AGO2: variants seen among roughly 807,000 people sequenced by gnomAD.
AGO2 encodes the protein protein argonaute-2.
AGO2 carries 5 observed loss-of-function variants against 102.3 expected under a neutral mutation model. That is an observed-to-expected ratio of 0.05 (90% CI 0.03 to 0.10). AGO2 has a LOEUF of 0.10. Among genes scored for constraint, AGO2 ranks in the 10% least tolerant of loss-of-function variants. The pLI is 1.00. For missense variants in AGO2, 541 were observed against 1,183.7 expected, an observed-to-expected ratio of 0.46 and a Z score of 7.97; for synonymous variants, 449 against 473.1, an observed-to-expected ratio of 0.95 and a Z score of 0.66.
the AGO2 span, among the ~76,000 whole-genome samples, chr8:140,641,206 C>T: frequency 2.0e-5 from 3 of 151,864 alleles, no homozygotes; most frequent in Non-Finnish European, 4.4e-5. Context: ...TAGGAGATCA[C>T]CTAAGCCCTC....
At chr8:140,584,960 G>A (rs1223784350) in intron 2 of AGO2, among the ~76,000 whole-genome samples, 159 bp downstream of exon 2, 2 of 152,004 alleles carry the variant, frequency 1.3e-5, no homozygotes, top group Non-Finnish European at 2.9e-5. Context: ...CAATCCGTAG[G>A]TTTGACTCTG....
intron 14 of AGO2, among the ~76,000 whole-genome samples, chr8:140,543,253 G>A (rs1279438023): frequency 6.6e-6 from 1 of 152,136 alleles, no homozygotes; most frequent in Non-Finnish European, 1.5e-5. Flanking sequence ...GCGTGGGAGT[G>A]GTGGGGTTGT....
At position 140,621,526 on chromosome 8, in the gene AGO2, T is replaced by C. The variant is rs562322199; in HGVS notation, c.22+13959A>G. Among the ~76,000 whole-genome samples the C allele has an allele frequency of 1.9e-4, 29 of 152,294 alleles. No individual in the cohort carries two copies. In the East Asian group the frequency reaches 3.9e-3, roughly 20 times the overall value. Reference sequence around the variant, plus strand: ...CACTGACTCAAAGAACAAGCTTCTTTGACATATGAGGCATCCAGGATGGAG... The same window carrying C: ...CACTGACTCAAAGAACAAGCTTCTTCGACATATGAGGCATCCAGGATGGAG... On this transcript the variant is annotated intron_variant, in intron 1 of 18. Transcript: ENST00000220592.
At chr8:140,552,973 G>A (rs2073028210) in intron 10 of AGO2, among the ~76,000 whole-genome samples, 1 of 152,198 alleles carries the variant, frequency 6.6e-6, no homozygotes, top group Non-Finnish European at 1.5e-5. Context: ...TGTACACATT[G>A]CTTTCTGAGG....
At chr8:140,607,299 A>C (rs4961276) in intron 1 of AGO2, among the ~76,000 whole-genome samples, 1 of 150,604 alleles carries the variant, frequency 6.6e-6, no homozygotes. Context: ...AATGGTGTCC[A>C]CATGAAGTCC....
chr8:140,585,335 A>G (rs1308540613), intron 1 of AGO2, 24 bp from the exon 2 acceptor site: 3 of 1,609,554 alleles, frequency 1.9e-6, no homozygotes, highest in South Asian at 2.2e-5. Context: ...GAGAACACCC[A>G]TTAACGGGGG....
chr8:140,551,245 T>A, intron 11 of AGO2, 58 bp downstream of exon 11: 1 of 1,428,792 alleles, frequency 7.0e-7, no homozygotes, highest in South Asian at 1.5e-5. Flanking sequence ...AAGTGGTCAC[T>A]TGAGCTGCCC....
At chr8:140,625,036 G>A (rs908331314) in intron 1 of AGO2, among the ~76,000 whole-genome samples, 1 of 152,068 alleles carries the variant, frequency 6.6e-6, no homozygotes, top group African/African-American at 2.4e-5. Flanking sequence ...CCACCCTCTT[G>A]GTCTGTTTCT....
intron 14 of AGO2, among the ~76,000 whole-genome samples, chr8:140,542,004 G>T (rs2072807930): frequency 6.6e-6 from 1 of 152,174 alleles, no homozygotes; most frequent in African/African-American, 2.4e-5. Context: ...CAATGGGTGG[G>T]GGTGTCCCTA....
At position 140,568,460 on chromosome 8, in the gene AGO2, A is replaced by G. The variant is rs547061387; in HGVS notation, c.336+4352T>C. Among the ~76,000 whole-genome samples the G allele has an allele frequency of 8.7e-4, 132 of 152,216 alleles. 1 individual carries two copies. The highest frequency in any genetic ancestry group is 3.1e-3 in the African/African-American group (130 of 41,544). On this transcript the variant is annotated intron_variant, in intron 3 of 18. Transcript: ENST00000220592. ...GAGGAGGGAGCGAGGGAGGCACTGC[A>G]GGCGTGGCATGTCTGGCTGGCCACG...
chr8:140,632,177 G>A (rs1002819361), intron 1 of AGO2, among the ~76,000 whole-genome samples: 1 of 152,228 alleles, frequency 6.6e-6, no homozygotes, highest in Non-Finnish European at 1.5e-5. Flanking sequence ...AAATTGCACA[G>A]GGTTTAGGAG....
intron 12 of AGO2, 150 bp downstream of exon 12, chr8:140,548,964 G>T: frequency 1.0e-6 from 1 of 971,978 alleles, no homozygotes; most frequent in Non-Finnish European, 1.5e-6. Flanking sequence ...TGGCAGTGAT[G>T]ACAAGCCACC....
intron 17 of AGO2, among the ~76,000 whole-genome samples, chr8:140,534,743 C>T (rs1421422278): frequency 6.6e-6 from 1 of 152,232 alleles, no homozygotes; most frequent in Non-Finnish European, 1.5e-5. Context: ...CTTACTTATA[C>T]TTTGAAAAAC....
chr8:140,578,992 CA>C (rs1270332880), intron 2 of AGO2, among the ~76,000 whole-genome samples: 2 of 152,176 alleles, frequency 1.3e-5, no homozygotes, highest in African/African-American at 4.8e-5. Context: ...ACATTCTCAC[CA>C]AAAGTTTCAC....
At chr8:140,630,864 G>A (rs2074332791) in intron 1 of AGO2, among the ~76,000 whole-genome samples, 3 of 152,120 alleles carry the variant, frequency 2.0e-5, no homozygotes, top group South Asian at 4.1e-4. Flanking sequence ...TAACAGCCTG[G>A]GCAACATGTC....
At chr8:140,570,057 G>A (rs746690770) in intron 3 of AGO2, among the ~76,000 whole-genome samples, 1 of 152,230 alleles carries the variant, frequency 6.6e-6, no homozygotes, top group Non-Finnish European at 1.5e-5. Flanking sequence ...ATGGGACACC[G>A]CCTTACGCAG....
intron 1 of AGO2, among the ~76,000 whole-genome samples, chr8:140,606,343 A>G (rs548849562): frequency 2.6e-5 from 4 of 152,350 alleles, no homozygotes; most frequent in African/African-American, 9.6e-5. Flanking sequence ...AGTTCACTTA[A>G]CACTGTTGGC....
At position 140,539,431 on chromosome 8, in the gene AGO2, G is replaced by A. The variant is rs1270464314; in HGVS notation, c.2058C>T (p.Ala686=). ...FQQVLHHELL[A]IREACIKLEK... ...CTAGCTTGATACAGGCCTCACGGAT[G>A]GCCAGCAACTCGTGGTGGAGAACCT... Residue 686 remains alanine, a synonymous_variant, in exon 16 of 19, where the codon GCC becomes GCT. Transcript: ENST00000220592. This position sits in a 1 kb window ranked among gnomAD's most constrained non-coding sequence, Gnocchi z 4.7. 5.6e-6 allele frequency: 9 copies of A among 1,613,822 alleles called. No individual in the cohort carries two copies. Among genetic ancestry groups the A allele is most frequent in the Non-Finnish European group, 7.6e-6 (9 of 1,179,824 alleles).
intron 1 of AGO2, among the ~76,000 whole-genome samples, chr8:140,630,891 A>G (rs1401815499): frequency 6.6e-6 from 1 of 152,166 alleles, no homozygotes; most frequent in African/African-American, 2.4e-5. Flanking sequence ...CCATCTCTAA[A>G]AAAGTAAAAC....
Sources: gnomAD v4.1 joint callset for allele counts (sites outside exome capture counted in the v4.1 genomes callset) on GRCh38, gnomAD v4.1.1 for gene constraint, Gnocchi (gnomAD v3.1) non-coding constraint, MANE v1.5 for transcripts, NCBI Gene and HGNC (gene_info 2026-07-23, HGNC 2026-07-21) for gene names.